The following DAB1 variants were observed in gnomAD, a reference collection of about 807,000 sequenced individuals.
DAB1 encodes the protein disabled homolog 1.
Under a neutral mutation model 64.6 loss-of-function variants are expected in DAB1, and 15 were observed. The observed-to-expected ratio is 0.23, with a 90% CI of 0.16 to 0.36. The LOEUF (loss-of-function observed/expected upper bound fraction) is 0.36. Ranked by LOEUF, DAB1 falls within the 10% of genes least tolerant of loss-of-function variation. The probability of loss-of-function intolerance (pLI) is 1.00; values close to 1 mark genes in which losing one functional copy is unlikely to be tolerated. For synonymous variants in DAB1, 235 were observed against 251.9 expected (o/e 0.93, Z 0.64); for missense variants, 596 against 706.7 (o/e 0.84, Z 1.78).
intron 4 of DAB1, among the ~76,000 whole-genome samples, chr1:58,189,876 G>T (rs1657291928): frequency 6.6e-6 from 1 of 152,192 alleles, no homozygotes; most frequent in African/African-American, 2.4e-5. Context: ...GCTACTGGAA[G>T]ACAGTCTTGT....
At chr1:57,456,446 T>C (rs1686596072) in intron 7 of DAB1, among the ~76,000 whole-genome samples, 2 of 152,156 alleles carry the variant, frequency 1.3e-5, no homozygotes, top group African/African-American at 4.8e-5. Context: ...ATAGGCTCCA[T>C]ATTAGAATTC....
chr1:57,782,329 G>T (rs1389032680), intron 6 of DAB1, among the ~76,000 whole-genome samples: 1 of 152,120 alleles, frequency 6.6e-6, no homozygotes, highest in Non-Finnish European at 1.5e-5. Context: ...GAGGGCAGGT[G>T]ACACAGTCAA....
chr1:57,682,250 G>C (rs967360895), intron 6 of DAB1, among the ~76,000 whole-genome samples: 2 of 150,588 alleles, frequency 1.3e-5, no homozygotes, highest in Non-Finnish European at 3.0e-5. Flanking sequence ...TAAAAAAATG[G>C]GTAAAAATAG....
At chr1:58,542,842 C>A (rs1646642707) in intron 1 of DAB1, among the ~76,000 whole-genome samples, 2 of 152,170 alleles carry the variant, frequency 1.3e-5, no homozygotes, top group African/African-American at 4.8e-5. Context: ...AGCTACAGAG[C>A]TAGGAGTAGG....
chr1:58,276,714 G>T (rs576685035), intron 4 of DAB1, among the ~76,000 whole-genome samples: 2 of 152,298 alleles, frequency 1.3e-5, no homozygotes, highest in Admixed American at 1.3e-4. Context: ...AAACCATCAT[G>T]TCTCAATGAC....
intron 4 of DAB1, among the ~76,000 whole-genome samples, chr1:58,217,695 G>A (rs1658929262): frequency 6.6e-6 from 1 of 152,106 alleles, no homozygotes; most frequent in Non-Finnish European, 1.5e-5. Context: ...CTAAGATACA[G>A]GCCACACACC....
At chr1:58,440,741 T>C (rs558983369) in intron 3 of DAB1, among the ~76,000 whole-genome samples, 13 of 152,370 alleles carry the variant, frequency 8.5e-5, no homozygotes, top group Admixed American at 2.0e-4. Context: ...AACTCTGTGA[T>C]ATAAGAACTA....
intron 5 of DAB1, among the ~76,000 whole-genome samples, chr1:58,126,912 T>A (rs1570388401): frequency 6.9e-6 from 1 of 145,270 alleles, no homozygotes; most frequent in Non-Finnish European, 1.5e-5. Context: ...AATGCCGCAA[T>A]AAACATACGT....
Position 58,165,685 on chromosome 1 carries a change from C to T in DAB1, n.310-15097G>A, listed in dbSNP as rs374840941. Among the ~76,000 whole-genome samples, 7 of 152,298 alleles carry T rather than the reference C, an allele frequency of 4.6e-5. No individual in the cohort carries two copies. The East Asian group carries it at 1.2e-3, about 25-fold the overall frequency. Reference sequence around the variant, plus strand: ...TTCCAAGCCTAGACCACAGGATAGACCTATAAACCAACTAAAATTTTGTAG... The same window carrying T: ...TTCCAAGCCTAGACCACAGGATAGATCTATAAACCAACTAAAATTTTGTAG... On this transcript the variant is annotated intron_variant and non_coding_transcript_variant, in intron 4 of 20. Coordinates refer to the DAB1 transcript ENST00000485760.
intron 7 of DAB1, among the ~76,000 whole-genome samples, chr1:57,597,499 T>C (rs1372766994): frequency 6.6e-6 from 1 of 152,216 alleles, no homozygotes; most frequent in Non-Finnish European, 1.5e-5. Context: ...TTCTAAACTA[T>C]GGTGCCTAAT....
intron 5 of DAB1, among the ~76,000 whole-genome samples, chr1:57,914,531 CTGCACGTTG>C (rs995326084): frequency 2.6e-4 from 40 of 152,110 alleles, no homozygotes; most frequent in African/African-American, 9.4e-4. Context: ...TGTAACAAAC[CTGCACGTTG>C]TGCACATGTA....
At chr1:58,056,509 T>A in intron 5 of DAB1, 2 of 1,130,566 alleles carry the variant, frequency 1.8e-6, no homozygotes, top group Non-Finnish European at 2.7e-6. Flanking sequence ...AGAGAGCTCA[T>A]GTGCATTCTT....
chr1:58,503,586 T>C (rs189229733), intron 3 of DAB1, among the ~76,000 whole-genome samples: 18 of 152,180 alleles, frequency 1.2e-4, no homozygotes, highest in Non-Finnish European at 2.1e-4. Context: ...TGGGAGGCGA[T>C]TGTCATAAGG....
intron 4 of DAB1, among the ~76,000 whole-genome samples, chr1:58,213,423 G>A (rs1277589700): frequency 6.6e-6 from 1 of 152,172 alleles, no homozygotes; most frequent in East Asian, 1.9e-4. Context: ...GCATGGCTGA[G>A]GGGAGGGACC....
chr1:58,088,150 A>G (rs1370442539), intron 5 of DAB1, among the ~76,000 whole-genome samples: 2 of 152,244 alleles, frequency 1.3e-5, no homozygotes, highest in Non-Finnish European at 2.9e-5. Flanking sequence ...AAAATAGGGA[A>G]CACAACAGAA....
At chr1:58,068,951 C>G (rs1340569956) in intron 5 of DAB1, among the ~76,000 whole-genome samples, 1 of 152,068 alleles carries the variant, frequency 6.6e-6, no homozygotes, top group South Asian at 2.1e-4. Flanking sequence ...TTGGGCTTCA[C>G]GAGGCTTTCA....
At chr1:57,313,472 T>C (rs372397083) in intron 1 of DAB1, among the ~76,000 whole-genome samples, 5 of 152,198 alleles carry the variant, frequency 3.3e-5, no homozygotes, top group Non-Finnish European at 5.9e-5. Context: ...GAAGTGAAAA[T>C]CTATTTGTGG....
chr1:57,305,119 G>C (rs1486140883), intron 1 of DAB1, among the ~76,000 whole-genome samples: 1 of 152,194 alleles, frequency 6.6e-6, no homozygotes, highest in Non-Finnish European at 1.5e-5. Flanking sequence ...ATTTACACGT[G>C]AGTGGGCTGC....
chr1:58,162,076 T>C (rs970841158), intron 4 of DAB1, among the ~76,000 whole-genome samples: 8 of 152,096 alleles, frequency 5.3e-5, no homozygotes, highest in Admixed American at 3.3e-4. Context: ...GAGGTAACAA[T>C]GTTCGGTGAT....
Sources: gnomAD v4.1 joint callset for allele counts (sites outside exome capture counted in the v4.1 genomes callset) on GRCh38, gnomAD v4.1.1 for gene constraint, MANE v1.5 for transcripts, NCBI Gene and HGNC (gene_info 2026-07-23, HGNC 2026-07-21) for gene names.